The following SHROOM2 variants were observed in gnomAD, a reference collection of about 807,000 sequenced individuals.
SHROOM2 encodes protein Shroom2.
SHROOM2 carries 33 observed loss-of-function variants against 75.9 expected under a neutral mutation model. The ratio of observed to expected loss-of-function variants is 0.43; its 90% CI spans 0.33 to 0.58. The LOEUF (loss-of-function observed/expected upper bound fraction) is 0.58. SHROOM2 is among the 20% of genes least tolerant of loss of function. SHROOM2 has a pLI of 0.04. For synonymous variants in SHROOM2, 655 were observed against 663.6 expected, an observed-to-expected ratio of 0.99 and a Z score of 0.20; for missense variants, 1,434 against 1,461.2, an observed-to-expected ratio of 0.98 and a Z score of 0.30.
At position 9,898,290 on chromosome X, in the gene SHROOM2, GGT is replaced by G; in HGVS notation, c.2891+2_2891+3del. 1 of 1,159,051 alleles carries G rather than the reference GGT, an allele frequency of 8.6e-7. No homozygotes were observed. Among genetic ancestry groups the G allele is most frequent in the South Asian group, 1.9e-5 (1 of 52,263 alleles). On this transcript the variant is annotated splice_donor_variant, in intron 5 of 9. Coordinates refer to ENST00000380913, the MANE Select transcript of SHROOM2 (RefSeq NM_001649.4). LOFTEE classifies it high-confidence loss of function. ...GCCGAGGAGGGACAGTCCACGCCGA[GGT>G]GGGTGAAATTTGGATTCAGAGTTAC...
intron 5 of SHROOM2, among the ~76,000 whole-genome samples, chrX:9,917,134 C>T (rs1045385532): frequency 3.6e-5 from 4 of 111,562 alleles, no homozygotes; most frequent in Non-Finnish European, 7.5e-5. Context: ...AAGAAGTGCC[C>T]AGCTTTCCGA....
intron 8 of SHROOM2, among the ~76,000 whole-genome samples, chrX:9,942,832 A>C (rs1306283176): frequency 9.0e-6 from 1 of 111,370 alleles, no homozygotes; most frequent in Non-Finnish European, 1.9e-5. Context: ...TAACAGACCG[A>C]GGAGAAAGCC....
chrX:9,853,245 C>T (rs1384744494), intron 1 of SHROOM2, among the ~76,000 whole-genome samples: 1 of 111,504 alleles, frequency 9.0e-6, no homozygotes, highest in Non-Finnish European at 1.9e-5. Flanking sequence ...AGTGAGCCCC[C>T]AGCTGTGGAG....
rs527851190 is a variant in SHROOM2, at chrX:9,834,206, G to A, written c.166-39446G>A. 6.2e-5 allele frequency among the ~76,000 whole-genome samples: 7 copies of A among 112,075 alleles called. No homozygotes were observed. In the Admixed American group the frequency reaches 6.6e-4, roughly 11 times the overall value. On this transcript the variant is annotated intron_variant, in intron 1 of 9. Transcript: ENST00000380913. ...GTGGTGCTGAGCCAAGAGCTGCAGC[G>A]CTGGACCTGTCACCCTATCCCAGGA...
chrX:9,787,459 T>C (rs2083621396), intron 1 of SHROOM2, among the ~76,000 whole-genome samples: 2 of 112,484 alleles, frequency 1.8e-5, no homozygotes, highest in Admixed American at 9.4e-5. Flanking sequence ...TAAACAACAG[T>C]CCAGTCACCC....
At chrX:9,927,427 T>C (rs2084606896) in intron 5 of SHROOM2, among the ~76,000 whole-genome samples, 1 of 100,488 alleles carries the variant, frequency 1.0e-5, no homozygotes, top group Admixed American at 1.1e-4. Context: ...GTTCCTTAAG[T>C]CATCTGCAAG....
At chrX:9,804,795 G>A (rs750527181) in intron 1 of SHROOM2, among the ~76,000 whole-genome samples, 1 of 111,580 alleles carries the variant, frequency 9.0e-6, no homozygotes, top group South Asian at 3.8e-4. Context: ...GCCCTGGAGG[G>A]TGGAACGTTG....
At chrX:9,859,131 C>A (rs772790895) in intron 1 of SHROOM2, among the ~76,000 whole-genome samples, 1 of 111,394 alleles carries the variant, frequency 9.0e-6, no homozygotes, top group Non-Finnish European at 1.9e-5. Context: ...GGGAGAATTG[C>A]TTGAACCTGG....
intron 1 of SHROOM2, among the ~76,000 whole-genome samples, chrX:9,806,548 A>G (rs2083753741): frequency 9.5e-6 from 1 of 104,897 alleles, no homozygotes; most frequent in Non-Finnish European, 1.9e-5. Flanking sequence ...CAGCACAATC[A>G]TCACATGCAA....
intron 1 of SHROOM2, among the ~76,000 whole-genome samples, chrX:9,855,095 T>G (rs1348556821): frequency 9.5e-6 from 1 of 105,311 alleles, no homozygotes; most frequent in Non-Finnish European, 1.9e-5. Flanking sequence ...AAAGGCATCC[T>G]CATTGTTCAA....
chrX:9,787,275 C>G lies in SHROOM2; in HGVS notation c.165+565C>G, dbSNP rs770478078. On this transcript the variant is annotated intron_variant, in intron 1 of 9. Coordinates refer to ENST00000380913, the MANE Select transcript of SHROOM2 (RefSeq NM_001649.4). Reference sequence around the variant, plus strand: ...TTAGAGAAACCTGAAAGCCTGCTTCCTAAGAGCAGGACCCGAGTTCTAATA... The same window carrying G: ...TTAGAGAAACCTGAAAGCCTGCTTCGTAAGAGCAGGACCCGAGTTCTAATA... Among the ~76,000 whole-genome samples, 10 of 112,418 alleles carry G rather than the reference C, an allele frequency of 8.9e-5. No homozygotes were observed. The South Asian group carries it at 3.3e-3, about 37-fold the overall frequency.
At chrX:9,813,721 A>T (rs997692316) in intron 1 of SHROOM2, among the ~76,000 whole-genome samples, 15 of 111,880 alleles carry the variant, frequency 1.3e-4, no homozygotes, top group African/African-American at 4.9e-4. Flanking sequence ...TTTTCTGCTT[A>T]TATAAATTCA....
chrX:9,927,376 A>G lies in SHROOM2; in HGVS notation c.2892-4799A>G, dbSNP rs1164028738. ...GTCTCCAAAAAAAAAAAAAAAAAAA[A>G]AAAAAAAAAAAAAGTAGGTGAGGAG... On this transcript the variant is annotated intron_variant, in intron 5 of 9. Transcript: ENST00000380913. Among the ~76,000 whole-genome samples, 3 of 103,118 alleles carry G rather than the reference A, an allele frequency of 2.9e-5. No individual in the cohort carries two copies. In the East Asian group the frequency reaches 8.8e-4, roughly 30 times the overall value. 89.5% of individuals were successfully genotyped at this position (103,118 alleles called of 115,157 possible). A position where few individuals can be genotyped will look rare whatever the true frequency, so the allele number is the denominator to read the frequency against.
chrX:9,944,985 A>G (rs2084806081), intron 9 of SHROOM2, 72 bp downstream of exon 9: 1 of 1,075,533 alleles, frequency 9.3e-7, no homozygotes, highest in African/African-American at 1.9e-5. Context: ...AGTGTCGTGA[A>G]AGTCAGCTCC....
chrX:9,945,435 A>G (rs1300348937), intron 9 of SHROOM2, among the ~76,000 whole-genome samples: 1 of 111,184 alleles, frequency 9.0e-6, no homozygotes, highest in Non-Finnish European at 1.9e-5. Flanking sequence ...TGAGGGGAAA[A>G]GGTGCTTATC....
rs112321045 is a variant in SHROOM2 at position 9,911,551 on chromosome X, G to A, written c.2891+13261G>A. Among the ~76,000 whole-genome samples, 1,018 of 111,247 alleles carry A rather than the reference G, an allele frequency of 9.2e-3. 10 individuals carry two copies. The highest frequency in any genetic ancestry group is 0.031 in the African/African-American group (937 of 30,528). ...GGAGGGTGGGATAGGGCTGTGAGGC[G>A]CAGTGGCTGGCGACGCTGCTTCCTG... is the stretch of plus-strand genomic sequence containing the variant. On this transcript the variant is annotated intron_variant, in intron 5 of 9. Transcript: ENST00000380913.
At chrX:9,908,460 A>G (rs1158687165) in intron 5 of SHROOM2, among the ~76,000 whole-genome samples, 1 of 112,081 alleles carries the variant, frequency 8.9e-6, no homozygotes, top group East Asian at 2.8e-4. Context: ...GCAGATTTGT[A>G]TGCATTTTGT....
At chrX:9,898,324 G>A in intron 5 of SHROOM2, 34 bp downstream of exon 5, 1 of 1,044,246 alleles carries the variant, frequency 9.6e-7, no homozygotes, top group Non-Finnish European at 1.3e-6. Context: ...TTACTGAAGA[G>A]GCGTCTGAGG....
chrX:9,930,646 A>T (rs750504937), intron 5 of SHROOM2, among the ~76,000 whole-genome samples: 1 of 112,203 alleles, frequency 8.9e-6, no homozygotes, highest in Non-Finnish European at 1.9e-5. Flanking sequence ...TCAGAATGCA[A>T]ATCAGTTTGG....
Sources: allele counts gnomAD v4.1 joint callset (sites outside exome capture counted in the v4.1 genomes callset), GRCh38; gene constraint gnomAD v4.1.1; transcripts MANE v1.5; gene names NCBI Gene and HGNC (gene_info 2026-07-23, HGNC 2026-07-21).